The following TEF variants were observed in gnomAD, a reference collection of about 807,000 sequenced individuals.
TEF encodes thyrotroph embryonic factor.
TEF carries 3 observed loss-of-function variants against 20.8 expected under a neutral mutation model. The ratio of observed to expected loss-of-function variants is 0.14; its 90% CI spans 0.07 to 0.37. TEF has a LOEUF of 0.37. Ranked by LOEUF, TEF falls within the 10% of genes least tolerant of loss-of-function variation. The probability of loss-of-function intolerance (pLI) is 1.00; values close to 1 mark genes in which losing one functional copy is unlikely to be tolerated. For synonymous variants in TEF, 180 were observed against 171.1 expected (o/e 1.05, Z -0.41); for missense variants, 296 against 397.9 (o/e 0.74, Z 2.18).
intron 3 of TEF, 32 bp downstream of exon 3, chr22:41,394,348 A>G (rs781605936): frequency 6.3e-7 from 1 of 1,599,802 alleles, no homozygotes; most frequent in African/African-American, 1.3e-5. Flanking sequence ...ATAAAGATGC[A>G]GCGTTGGTTC....
At chr22:41,388,948 C>T (rs1448210893) in intron 2 of TEF, among the ~76,000 whole-genome samples, 3 of 152,044 alleles carry the variant, frequency 2.0e-5, no homozygotes, top group African/African-American at 4.8e-5. Flanking sequence ...CAACAATTCT[C>T]AACTCAGAAG....
rs1327243333 is a variant in TEF, at chr22:41,396,121, C to T, written c.*161C>T. ...ACGTCTCAGCTTCATTATACCATGG[C>T]CTGCGCACGTGGCGACGTCCCTGAG... On this transcript the variant is annotated 3_prime_UTR_variant, in exon 4 of 4. Transcript: ENST00000266304. 1.7e-5 allele frequency: 13 copies of T among 751,490 alleles called. No homozygotes were observed. Among genetic ancestry groups the T allele is most frequent in the Non-Finnish European group, 2.3e-5 (11 of 472,728 alleles). The allele number at this position is 751,490 out of a possible 1,614,324, so 46.6% of individuals were successfully genotyped here. A position where few individuals can be genotyped will look rare whatever the true frequency, so the allele number is the denominator to read the frequency against.
At chr22:41,372,976 G>C (rs554914908) in intron 1 of TEF, among the ~76,000 whole-genome samples, 3 of 152,250 alleles carry the variant, frequency 2.0e-5, no homozygotes, top group Admixed American at 6.5e-5. Context: ...AAGGGGGAGA[G>C]GGGTACCAGG....
At position 41,395,767 on chromosome 22, in the gene TEF, G is replaced by A. The variant is rs751340991; in HGVS notation, c.719G>A (p.Arg240His). The change falls in exon 4 of 4, where the codon CGC becomes CAC. Residue 240 changes from arginine to histidine, a missense_variant. By Grantham distance (29) the Arg-to-His change is conservative. Around this residue, in one of 2 missense-constraint regions of TEF, gnomAD observed 194 missense variants for 317.8 expected, o/e 0.61. Transcript: ENST00000266304. ...CAGGATGAAAAGTACTGGACAAGAC[G>A]CAAGAAGAACAACGTGGCAGCTAAA... is the stretch of plus-strand genomic sequence containing the variant. ...EQKDEKYWTR[R>H]KKNNVAAKRS... 1 of 1,614,106 alleles carries A rather than the reference G, an allele frequency of 6.2e-7. No individual in the cohort carries two copies. Among genetic ancestry groups the A allele is most frequent in the Non-Finnish European group, 8.5e-7 (1 of 1,180,012 alleles).
chr22:41,385,006 C>T (rs940900972), intron 1 of TEF, among the ~76,000 whole-genome samples: 6 of 152,120 alleles, frequency 3.9e-5, no homozygotes, highest in Non-Finnish European at 7.4e-5. Flanking sequence ...TTGCCCGCCT[C>T]GGACTCCCAA....
intron 1 of TEF, chr22:41,367,645 A>AG (rs773999197): frequency 6.5e-7 from 1 of 1,532,542 alleles, no homozygotes. Context: ...CAGGTACTCG[A>AG]GGGGGCGAGG....
intron 2 of TEF, among the ~76,000 whole-genome samples, chr22:41,391,448 C>T (rs1242313379): frequency 6.6e-6 from 1 of 151,804 alleles, no homozygotes; most frequent in Non-Finnish European, 1.5e-5. Context: ...GCCTCAGCCC[C>T]CTGAGTAGCT....
chr22:41,377,565 T>C (rs187541163), upstream of TEF, among the ~76,000 whole-genome samples: 147 of 152,176 alleles, frequency 9.7e-4, 1 homozygote, highest in Non-Finnish European at 1.6e-3. Flanking sequence ...ATTCCCACTT[T>C]AGTGATAGGA....
chr22:41,390,383 C>T (rs1411211291), intron 2 of TEF, among the ~76,000 whole-genome samples: 2 of 151,788 alleles, frequency 1.3e-5, no homozygotes, highest in African/African-American at 2.4e-5. Flanking sequence ...TTGATTTTGA[C>T]ATCTTTTGTA....
Position 41,393,483 on chromosome 22 carries a change from G to A in TEF, c.476-613G>A, listed in dbSNP as rs905957668. 5.3e-5 allele frequency among the ~76,000 whole-genome samples: 8 copies of A among 152,138 alleles called. No individual in the cohort carries two copies. The South Asian group carries it at 1.2e-3, about 24-fold the overall frequency. On this transcript the variant is annotated intron_variant, in intron 2 of 3. Coordinates refer to ENST00000266304, the MANE Select transcript of TEF (RefSeq NM_003216.4). ...AAAAATTTAATGTTTTAGGCTGGGCGCAGTGGCTCATGCCTGTAATCCCAG... is the reference window on the plus strand; with the variant it reads ...AAAAATTTAATGTTTTAGGCTGGGCACAGTGGCTCATGCCTGTAATCCCAG...
At chr22:41,379,109 G>A (rs987066539), upstream of TEF, among the ~76,000 whole-genome samples, 5 of 152,112 alleles carry the variant, frequency 3.3e-5, no homozygotes, top group Admixed American at 2.0e-4. Flanking sequence ...GGGAGACGCG[G>A]GTGGATCACC....
intron 1 of TEF, among the ~76,000 whole-genome samples, chr22:41,374,062 T>C (rs2145964212): frequency 6.6e-6 from 1 of 152,166 alleles, no homozygotes; most frequent in African/African-American, 2.4e-5. Context: ...GCGCCCAGCC[T>C]ATATACTGTA....
chr22:41,395,704 TG>T, intron 3 of TEF, 40 bp from the exon 4 acceptor site: 3 of 1,599,764 alleles, frequency 1.9e-6, no homozygotes, highest in Non-Finnish European at 2.6e-6. Context: ...GGTTCTCTCG[TG>T]GGGAAAGACG....
chr22:41,380,961 T>C (rs894960121), upstream of TEF, among the ~76,000 whole-genome samples: 14 of 152,228 alleles, frequency 9.2e-5, no homozygotes, highest in Admixed American at 1.3e-4. Context: ...CTTAATTTTA[T>C]GGCCGAGGAA....
intron 1 of TEF, among the ~76,000 whole-genome samples, chr22:41,384,351 C>A (rs1168470373): frequency 6.6e-6 from 1 of 152,082 alleles, no homozygotes; most frequent in Non-Finnish European, 1.5e-5. Context: ...TCTTGGATAT[C>A]CACATGTGTA....
At position 41,375,698 on chromosome 22, in the gene TEF, T is replaced by A. The variant is rs1801978001; in HGVS notation, c.67+8099T>A. The stretch of plus-strand genomic sequence containing the variant: ...GAGATTGCGCCACTGCACTCCAGCC[T>A]GGGCAACAGAGCAAGACTCTGTCTC... On this transcript the variant is annotated intron_variant, in intron 1 of 3. Coordinates refer to the TEF transcript ENST00000406644. Among the ~76,000 whole-genome samples, 2 of 143,878 alleles carry A rather than the reference T, an allele frequency of 1.4e-5. 1 individual carries two copies. Among genetic ancestry groups the A allele is most frequent in the South Asian group, 4.3e-4 (2 of 4,614 alleles). The allele number at this position is 143,878 out of a possible 152,430, so 94.4% of individuals were successfully genotyped here.
chr22:41,381,936 G>A (rs2037030754), upstream of TEF: 2 of 1,226,330 alleles, frequency 1.6e-6, no homozygotes, highest in Non-Finnish European at 2.0e-6. Flanking sequence ...GCCATTGGGC[G>A]CCTGCGCAGT....
In TEF at chr22:41,396,621, T is replaced by C. The variant is rs1601827650; in HGVS notation, c.*661T>C. ...CGGCTCCCGCACCCCTTTTCCCTTA[T>C]GGCTCTGAGGCCATCGGCTGTCTCT... On this transcript the variant is annotated 3_prime_UTR_variant, in exon 4 of 4. Transcript: ENST00000266304. The C allele has an allele frequency of 4.0e-6, 1 of 249,356 alleles. No individual in the cohort carries two copies. The highest frequency in any genetic ancestry group is 7.3e-5 in the East Asian group (1 of 13,668). 15.4% of individuals were successfully genotyped at this position (249,356 alleles called of 1,614,324 possible). A position where few individuals can be genotyped will look rare whatever the true frequency, so the allele number is the denominator to read the frequency against.
At chr22:41,393,565 G>C (rs2037191254) in intron 2 of TEF, among the ~76,000 whole-genome samples, 1 of 152,024 alleles carries the variant, frequency 6.6e-6, no homozygotes, top group Non-Finnish European at 1.5e-5. Flanking sequence ...GACCATCCTG[G>C]CTAACACAGT....
Sources: allele counts gnomAD v4.1 joint callset (sites outside exome capture counted in the v4.1 genomes callset), GRCh38; gene constraint gnomAD v4.1.1; regional missense constraint gnomAD v4.1.1; transcripts MANE v1.5; gene names NCBI Gene and HGNC (gene_info 2026-07-23, HGNC 2026-07-21).